RNF212: variants seen among roughly 807,000 people sequenced by gnomAD.
The protein encoded by RNF212 is probable E3 SUMO-protein ligase RNF212.
A neutral mutation model predicts 34.7 loss-of-function variants in RNF212; 33 were observed. That is an observed-to-expected ratio of 0.95 (90% CI 0.72 to 1.27). The LOEUF (loss-of-function observed/expected upper bound fraction) is 1.27, where lower values mean the gene tolerates loss of function less well. RNF212 is among the 50% of genes most tolerant of loss of function. RNF212 has a pLI of 0.00. For missense variants in RNF212, 377 were observed against 362.2 expected, an observed-to-expected ratio of 1.04 and a Z score of -0.33; for synonymous variants, 140 against 136.1, an observed-to-expected ratio of 1.03 and a Z score of -0.20.
intron 5 of RNF212, among the ~76,000 whole-genome samples, chr4:1,082,727 G>A (rs529996267): frequency 3.9e-5 from 6 of 152,304 alleles, no homozygotes; most frequent in African/African-American, 9.6e-5. Flanking sequence ...CGGGCACTGG[G>A]CGTGTTTGGC....
At chr4:1,091,229 G>C (rs959843616) in intron 3 of RNF212, among the ~76,000 whole-genome samples, 1 of 152,186 alleles carries the variant, frequency 6.6e-6, no homozygotes, top group African/African-American at 2.4e-5. Flanking sequence ...GAGGCTAAGC[G>C]AGACCCACAG....
chr4:1,097,046 GC>G (rs1362297599), intron 2 of RNF212, among the ~76,000 whole-genome samples: 1 of 152,200 alleles, frequency 6.6e-6, no homozygotes, highest in East Asian at 1.9e-4. Context: ...TGAGGGCTGT[GC>G]CGGACAGTGG....
chr4:1,096,535 A>C (rs370386443), intron 3 of RNF212: 4 of 314,508 alleles, frequency 1.3e-5, no homozygotes, highest in South Asian at 2.9e-5. Context: ...CCACGGTCTC[A>C]GGATAGTGCA....
intron 5 of RNF212, among the ~76,000 whole-genome samples, chr4:1,083,639 A>AAAACAAACAAAC (rs76992730): frequency 1.0e-4 from 15 of 149,300 alleles, no homozygotes; most frequent in South Asian, 4.3e-4. Context: ...CTCTGTCTCA[A>AAAACAAACAAAC]AAACAAACAA....
chr4:1,104,668 A>G (rs1169804297), intron 2 of RNF212, among the ~76,000 whole-genome samples: 1 of 151,908 alleles, frequency 6.6e-6, no homozygotes, highest in Non-Finnish European at 1.5e-5. Flanking sequence ...CCTCCCTTAG[A>G]CAGAAAGTCA....
chr4:1,075,717 A>C (rs368694444), intron 8 of RNF212, among the ~76,000 whole-genome samples: 11 of 152,232 alleles, frequency 7.2e-5, no homozygotes, highest in African/African-American at 2.7e-4. Flanking sequence ...ACTGTCGTCC[A>C]GGCTGGAGTG....
rs1357186656 is a variant in RNF212 at position 1,072,570 on chromosome 4, A to G, written c.*304T>C. On this transcript the variant is annotated 3_prime_UTR_variant, in exon 10 of 10. Transcript: ENST00000433731. ...CTGTGAACCTAAAACTGCTCTAAGA[A>G]AAAGTTTTAAAAACCACCCAGTTAG... 8 of 767,034 alleles carry G rather than the reference A, an allele frequency of 1.0e-5. No homozygotes were observed. In the African/African-American group the frequency reaches 1.5e-4, roughly 15 times the overall value. 47.5% of individuals were successfully genotyped at this position (767,034 alleles called of 1,614,324 possible).
chr4:1,065,787 T>C (rs1560091993), intron 3 of RNF212, among the ~76,000 whole-genome samples: 1 of 145,236 alleles, frequency 6.9e-6, no homozygotes, highest in East Asian at 1.9e-4. Context: ...GGTTTCATCA[T>C]GTTGGCCAGG....
intron 3 of RNF212, chr4:1,093,619 C>A: frequency 6.5e-7 from 1 of 1,535,890 alleles, no homozygotes; most frequent in Non-Finnish European, 8.7e-7. Flanking sequence ...GCCGGGTCTG[C>A]TGGGTCTTCT....
At chr4:1,070,771 C>A (rs374861387), downstream of RNF212, among the ~76,000 whole-genome samples, 1 of 152,120 alleles carries the variant, frequency 6.6e-6, no homozygotes, top group African/African-American at 2.4e-5. Context: ...GGCACCACAT[C>A]GGTAACATGC....
intron 3 of RNF212, among the ~76,000 whole-genome samples, chr4:1,063,334 A>G (rs1230067712): frequency 6.6e-6 from 1 of 152,254 alleles, no homozygotes; most frequent in Non-Finnish European, 1.5e-5. Context: ...GTGAAAGACA[A>G]AAAGAAAAAT....
intron 3 of RNF212, chr4:1,093,600 G>A (rs1451824890): frequency 3.3e-6 from 5 of 1,535,966 alleles, no homozygotes; most frequent in African/African-American, 2.7e-5. Context: ...CAGGTGGCTG[G>A]AGGGGCTGGC....
intron 3 of RNF212, among the ~76,000 whole-genome samples, chr4:1,064,632 G>C (rs1361302012): frequency 1.3e-5 from 2 of 152,056 alleles, no homozygotes; most frequent in African/African-American, 4.8e-5. Context: ...TGTCTCTTTT[G>C]TTTTTTGAAA....
intron 8 of RNF212, among the ~76,000 whole-genome samples, chr4:1,077,036 T>G (rs2153039560): frequency 6.6e-6 from 1 of 152,316 alleles, no homozygotes; most frequent in South Asian, 2.1e-4. Context: ...GAGACCAGCC[T>G]GACCAATATG....
intron 1 of RNF212, among the ~76,000 whole-genome samples, chr4:1,109,563 T>A (rs1441204940): frequency 6.6e-6 from 1 of 152,132 alleles, no homozygotes. Flanking sequence ...ATTCACAGAC[T>A]TGAGGATTCC....
chr4:1,099,794 C>G (rs1254995533), intron 2 of RNF212: 4 of 456,300 alleles, frequency 8.8e-6, no homozygotes, highest in Non-Finnish European at 1.8e-5. Flanking sequence ...AACCCTGGTG[C>G]AGAGCAATCG....
chr4:1,108,548 G>A (rs902315183), intron 1 of RNF212, 144 bp from the exon 2 acceptor site: 9 of 454,558 alleles, frequency 2.0e-5, no homozygotes, highest in African/African-American at 1.8e-4. Context: ...ATGAGGCTGT[G>A]GGTACTGGTA....
intron 8 of RNF212, among the ~76,000 whole-genome samples, chr4:1,076,025 C>T (rs142629458): frequency 7.2e-5 from 11 of 152,326 alleles, no homozygotes; most frequent in African/African-American, 2.6e-4. Context: ...CATGATTTTA[C>T]CTTTTCAAAA....
At chr4:1,091,011 G>C (rs1722106793) in intron 3 of RNF212, among the ~76,000 whole-genome samples, 173 bp from the exon 4 acceptor site, 1 of 152,208 alleles carries the variant, frequency 6.6e-6, no homozygotes, top group African/African-American at 2.4e-5. Flanking sequence ...GCAGGGCCAA[G>C]GGCAAACACA....
Sources: gnomAD v4.1 joint callset for allele counts (sites outside exome capture counted in the v4.1 genomes callset) on GRCh38, gnomAD v4.1.1 for gene constraint, MANE v1.5 for transcripts, NCBI Gene and HGNC (gene_info 2026-07-23, HGNC 2026-07-21) for gene names.